The following SBSPON variants were observed in gnomAD, a reference collection of about 807,000 sequenced individuals.
SBSPON encodes somatomedin-B and thrombospondin type-1 domain-containing protein.
SBSPON carries 30 observed loss-of-function variants against 35.8 expected under a neutral mutation model. The observed-to-expected ratio is 0.84, with a 90% CI of 0.63 to 1.14. SBSPON has a LOEUF of 1.14. SBSPON is among the 50% of genes most tolerant of loss of function. SBSPON has a pLI of 0.00. For synonymous variants in SBSPON, 136 were observed against 135.9 expected (o/e 1.00, Z 0.00); for missense variants, 364 against 357.7 (o/e 1.02, Z -0.14).
intron 4 of SBSPON, 133 bp downstream of exon 4, chr8:73,069,672 C>T (rs889498194): frequency 4.6e-5 from 33 of 724,412 alleles, no homozygotes; most frequent in African/African-American, 3.2e-4. Context: ...GAGGATGGTC[C>T]TCCTCACCTA....
intron 1 of SBSPON, among the ~76,000 whole-genome samples, chr8:73,085,147 A>C (rs1313840241): frequency 6.6e-6 from 1 of 152,136 alleles, no homozygotes; most frequent in East Asian, 1.9e-4. Context: ...AGCCAAACCC[A>C]TGGGAATTCT....
chr8:73,091,800 C>A (rs1170889657), intron 1 of SBSPON, among the ~76,000 whole-genome samples: 1 of 152,206 alleles, frequency 6.6e-6, no homozygotes, highest in Non-Finnish European at 1.5e-5. Context: ...CTTTCAGCAT[C>A]GGGCCTGGCC....
At chr8:73,081,400 T>C (rs1810702471) in intron 1 of SBSPON, among the ~76,000 whole-genome samples, 187 bp from the exon 2 acceptor site, 1 of 152,120 alleles carries the variant, frequency 6.6e-6, no homozygotes, top group African/African-American at 2.4e-5. Flanking sequence ...CCCACCCCGA[T>C]GGTGAATTGA....
In SBSPON at chr8:73,093,039, G is replaced by T; in HGVS notation, c.29C>A (p.Ala10Glu). The T allele has an allele frequency of 7.2e-7, 1 of 1,379,690 alleles. No homozygotes were observed. Among genetic ancestry groups the T allele is most frequent in the Admixed American group, 4.1e-5 (1 of 24,590 alleles). The allele number at this position is 1,379,690 out of a possible 1,614,324, so 85.5% of individuals were successfully genotyped here. A position where few individuals can be genotyped will look rare whatever the true frequency, so the allele number is the denominator to read the frequency against. ...GGCCCCGGGCCACAGCCGCGACAGCGCGCACAGCGCCATCCACAGGGTCCT... is the reference window on the plus strand; with the variant it reads ...GGCCCCGGGCCACAGCCGCGACAGCTCGCACAGCGCCATCCACAGGGTCCT... MRTLWMALC[A>E]LSRLWPGAQA... The change falls in exon 1 of 5, where the codon GCG (alanine) becomes GAG (glutamate). Residue 10 changes from alanine (A) to glutamate (E), a missense_variant. Physicochemically the swap from Ala to Glu is moderately radical, Grantham distance 107. Transcript: ENST00000297354.
chr8:73,081,643 A>AC lies in SBSPON; in HGVS notation c.215-431_215-430insG, dbSNP rs57345613. 3.4e-3 allele frequency among the ~76,000 whole-genome samples: 513 copies of AC among 150,652 alleles called. 2 individuals are homozygous for AC. Among genetic ancestry groups the AC allele is most frequent in the African/African-American group, 9.2e-3 (376 of 40,858 alleles). On this transcript the variant is annotated intron_variant, in intron 1 of 4. Coordinates refer to ENST00000297354, the MANE Select transcript of SBSPON (RefSeq NM_153225.4). ...CTCATCATAGACAACATAAACAACA[A>AC]AAAAAAAAGTATAAAAAAGAAAATG...
At chr8:73,074,025 A>G (rs1810546163) in intron 2 of SBSPON, among the ~76,000 whole-genome samples, 2 of 152,202 alleles carry the variant, frequency 1.3e-5, no homozygotes, top group East Asian at 3.8e-4. Flanking sequence ...CTGAGACCTA[A>G]TTATCAGAAA....
intron 2 of SBSPON, among the ~76,000 whole-genome samples, chr8:73,072,314 G>T (rs1197719204): frequency 6.6e-6 from 1 of 151,738 alleles, no homozygotes; most frequent in Admixed American, 6.6e-5. Flanking sequence ...ATAGAGAGAA[G>T]ACAAAAGAGA....
At chr8:73,077,887 A>C (rs368501716) in intron 2 of SBSPON, among the ~76,000 whole-genome samples, 196 of 152,376 alleles carry the variant, frequency 1.3e-3, no homozygotes, top group African/African-American at 4.5e-3. Context: ...ATGAAAATGC[A>C]GATCCACATA....
chr8:73,081,263 G>A (rs1384521375), intron 1 of SBSPON, 50 bp from the exon 2 acceptor site: 2 of 1,462,044 alleles, frequency 1.4e-6, no homozygotes, highest in East Asian at 4.9e-5. Flanking sequence ...CCGCCAGGCT[G>A]GCAGGCTGTT....
At chr8:73,081,797 A>G (rs556007035) in intron 1 of SBSPON, among the ~76,000 whole-genome samples, 4 of 152,128 alleles carry the variant, frequency 2.6e-5, no homozygotes, top group East Asian at 3.9e-4. Flanking sequence ...TGTTTACTCT[A>G]TTTTCTTTCT....
chr8:73,070,769 T>A (rs10957637), intron 3 of SBSPON, among the ~76,000 whole-genome samples: 107,365 of 152,052 alleles, frequency 0.71, 38,072 homozygotes, highest in East Asian at 0.84. Context: ...CATAGTAAAA[T>A]CTCCGAGTAT....
chr8:73,069,739 C>A, intron 4 of SBSPON, 66 bp downstream of exon 4: 1 of 1,332,104 alleles, frequency 7.5e-7, no homozygotes, highest in Non-Finnish European at 1.1e-6. Flanking sequence ...GCTGTCTGGA[C>A]ATGGAGAGGA....
intron 2 of SBSPON, among the ~76,000 whole-genome samples, chr8:73,072,908 C>T (rs2129995658): frequency 7.8e-6 from 1 of 127,462 alleles, no homozygotes; most frequent in South Asian, 2.5e-4. Flanking sequence ...TGCTCTGGGT[C>T]AGAGAAAAAA....
rs750052677 is a variant in SBSPON, at chr8:73,067,299, T to G, written c.*42A>C. 9 of 1,176,930 alleles carry G rather than the reference T, an allele frequency of 7.6e-6. No individual in the cohort carries two copies. The East Asian group carries it at 2.1e-4, about 28-fold the overall frequency. 72.9% of individuals were successfully genotyped at this position (1,176,930 alleles called of 1,614,324 possible). The stretch of plus-strand genomic sequence containing the variant: ...ACATTGAACATGACTTGAGAATATT[T>G]AGAATGTTTACAAATGCATTTGGAA... On this transcript the variant is annotated 3_prime_UTR_variant, in exon 5 of 5. Coordinates refer to ENST00000297354, the MANE Select transcript of SBSPON (RefSeq NM_153225.4).
chr8:73,076,231 T>C (rs187980189), intron 2 of SBSPON, among the ~76,000 whole-genome samples: 2 of 152,270 alleles, frequency 1.3e-5, no homozygotes, highest in Non-Finnish European at 2.9e-5. Flanking sequence ...GGATAATGAC[T>C]CTGTCCTACC....
intron 2 of SBSPON, chr8:73,074,608 G>T (rs1384412231): frequency 5.1e-6 from 5 of 980,140 alleles, no homozygotes; most frequent in Admixed American, 6.1e-5. Flanking sequence ...AGATGACAAA[G>T]TTCCAGTACT....
At chr8:73,080,358 AC>A (rs1338943809) in intron 2 of SBSPON, among the ~76,000 whole-genome samples, 1 of 152,092 alleles carries the variant, frequency 6.6e-6, no homozygotes, top group Non-Finnish European at 1.5e-5. Context: ...ACTAAAAAAT[AC>A]AAAAAATTAG....
rs764838365 is a variant in SBSPON, at chr8:73,067,295, T to C, written c.*46A>G. On this transcript the variant is annotated 3_prime_UTR_variant, in exon 5 of 5. Transcript: ENST00000297354. ...GGAAACATTGAACATGACTTGAGAATATTTAGAATGTTTACAAATGCATTT... is the reference window on the plus strand; with the variant it reads ...GGAAACATTGAACATGACTTGAGAACATTTAGAATGTTTACAAATGCATTT... 8.7e-7 allele frequency: 1 copy of C among 1,143,956 alleles called. No individual in the cohort carries two copies. The highest frequency in any genetic ancestry group is 1.3e-6 in the Non-Finnish European group (1 of 755,724). The allele number at this position is 1,143,956 out of a possible 1,614,324, so 70.9% of individuals were successfully genotyped here. A position where few individuals can be genotyped will look rare whatever the true frequency, so the allele number is the denominator to read the frequency against.
At position 73,067,099 on chromosome 8, in the gene SBSPON, T is replaced by C. The variant is rs192327474; in HGVS notation, c.*242A>G. The stretch of plus-strand genomic sequence containing the variant: ...CACCTGCTGAATGAGAGGACTCCAG[T>C]TGAAAGGTCAAGAACATAAAACCAC... On this transcript the variant is annotated 3_prime_UTR_variant, in exon 5 of 5. Coordinates refer to ENST00000297354, the MANE Select transcript of SBSPON (RefSeq NM_153225.4). The C allele has an allele frequency of 3.9e-4, 137 of 353,528 alleles. No individual in the cohort carries two copies. Among genetic ancestry groups the C allele is most frequent in the African/African-American group, 2.6e-3 (129 of 48,712 alleles). The allele number at this position is 353,528 out of a possible 1,614,324, so 21.9% of individuals were successfully genotyped here. A position where few individuals can be genotyped will look rare whatever the true frequency, so the allele number is the denominator to read the frequency against.
Sources: gnomAD v4.1 joint callset for allele counts (sites outside exome capture counted in the v4.1 genomes callset) on GRCh38, gnomAD v4.1.1 for gene constraint, MANE v1.5 for transcripts, NCBI Gene and HGNC (gene_info 2026-07-23, HGNC 2026-07-21) for gene names.